The following KIF3B variants were observed in gnomAD, a reference collection of about 807,000 sequenced individuals.
The protein encoded by KIF3B is kinesin-like protein KIF3B.
KIF3B carries 38 observed loss-of-function variants against 74.3 expected under a neutral mutation model. That is an observed-to-expected ratio of 0.51 (90% CI 0.39 to 0.67). KIF3B has a LOEUF of 0.67. KIF3B is among the 30% of genes least tolerant of loss of function. The pLI is 0.00. For synonymous variants in KIF3B, 326 were observed against 342.5 expected (o/e 0.95, Z 0.53); for missense variants, 649 against 932.0 (o/e 0.70, Z 3.95).
Position 32,333,632 on chromosome 20 carries a change from C to CAAAAAAAAAAA in KIF3B, c.*2329_*2339dup, listed in dbSNP as rs71187110. On this transcript the variant is annotated 3_prime_UTR_variant, in exon 9 of 9. Coordinates refer to ENST00000375712, the MANE Select transcript of KIF3B (RefSeq NM_004798.4). ...TGGGTGACAGAGTGAGACTCCCCCT[C>CAAAAAAAAAAA]AAAAAAAAAAAAAAAAAAAAAAAAA... 1 of 33,808 alleles carries CAAAAAAAAAAA rather than the reference C, an allele frequency of 3.0e-5. No homozygotes were observed. Among genetic ancestry groups the CAAAAAAAAAAA allele is most frequent in the Non-Finnish European group, 5.9e-5 (1 of 16,810 alleles). The allele number at this position is 33,808 out of a possible 1,614,324, so 2.1% of individuals were successfully genotyped here.
chr20:32,278,693 G>A (rs1363132666), intron 1 of KIF3B, among the ~76,000 whole-genome samples: 1 of 152,040 alleles, frequency 6.6e-6, no homozygotes, highest in Non-Finnish European at 1.5e-5. Flanking sequence ...TTTCTACCTG[G>A]GCTTCGTTGA....
intron 1 of KIF3B, among the ~76,000 whole-genome samples, chr20:32,299,403 A>ATATATATATTT (rs1555895046): frequency 4.4e-4 from 4 of 9,022 alleles, no homozygotes; most frequent in South Asian, 5.2e-3. Flanking sequence ...ATATATATAT[A>ATATATATATTT]TTTTTTTTTT....
intron 5 of KIF3B, among the ~76,000 whole-genome samples, chr20:32,325,190 T>G (rs574577862): frequency 6.6e-6 from 1 of 151,888 alleles, no homozygotes; most frequent in Non-Finnish European, 1.5e-5. Flanking sequence ...ATTTTCTTTT[T>G]GTTGTTGTTG....
Position 32,327,560 on chromosome 20 carries a change from C to G in KIF3B, c.1867C>G (p.Gln623Glu). 6.2e-7 allele frequency: 1 copy of G among 1,613,006 alleles called. No individual in the cohort carries two copies. The highest frequency in any genetic ancestry group is 8.5e-7 in the Non-Finnish European group (1 of 1,179,346). ...KLHPITRLEN[Q>E]QMMKRPVSAV... ...AACACTGCAGTTCATTTCCAGGAAC[C>G]AGCAGATGATGAAGCGGCCAGTCTC... The change falls in exon 7 of 9, where the codon CAG (glutamine) becomes GAG (glutamate). Residue 623 changes from glutamine (Q) to glutamate (E), a missense_variant. Physicochemically the swap from Gln to Glu is conservative, Grantham distance 29 (BLOSUM62 2). Around this residue, in one of 4 missense-constraint regions of KIF3B, gnomAD observed 186 missense variants for 198.5 expected, o/e 0.94. Coordinates refer to ENST00000375712, the MANE Select transcript of KIF3B (RefSeq NM_004798.4).
chr20:32,314,318 T>A (rs1216911389), intron 2 of KIF3B, among the ~76,000 whole-genome samples: 1 of 152,138 alleles, frequency 6.6e-6, no homozygotes, highest in Admixed American at 6.5e-5. Flanking sequence ...GGCAGGTGGA[T>A]CCCTTGAGGT....
chr20:32,294,303 G>C (rs181395842), intron 1 of KIF3B, among the ~76,000 whole-genome samples: 3 of 152,036 alleles, frequency 2.0e-5, no homozygotes, highest in African/African-American at 7.2e-5. Flanking sequence ...TTGAATTCAG[G>C]GCAGGCATTT....
At chr20:32,316,685 A>C in intron 4 of KIF3B, 36 bp downstream of exon 4, 1 of 1,614,050 alleles carries the variant, frequency 6.2e-7, no homozygotes, top group African/African-American at 1.3e-5. Context: ...AGTTGCCTTG[A>C]GACTTGGGGA....
chr20:32,279,958 G>A (rs946084930), intron 1 of KIF3B, among the ~76,000 whole-genome samples: 4 of 152,218 alleles, frequency 2.6e-5, no homozygotes, highest in African/African-American at 9.6e-5. Flanking sequence ...GAGCAAAGAG[G>A]TGCTACTTTA....
In KIF3B at chr20:32,310,042, AATGGAACC is replaced by A; in HGVS notation, c.268_275del (p.Gly90PhefsTer20). On this transcript the variant is annotated frameshift_variant, in exon 2 of 9. Coordinates refer to ENST00000375712, the MANE Select transcript of KIF3B (RefSeq NM_004798.4). LOFTEE classifies it high-confidence loss of function. This position sits in a 1 kb window ranked among gnomAD's most constrained non-coding sequence, Gnocchi z 6.5. ...TGTTGACTCTGTCCTGCAAGGTTTCAATGGAACCATTTTTGCCTATGGACAAACTGGGA... is the reference window on the plus strand; with the variant it reads ...TGTTGACTCTGTCCTGCAAGGTTTCAATTTTTGCCTATGGACAAACTGGGA... 6.2e-7 allele frequency: 1 copy of A among 1,614,180 alleles called. No individual in the cohort carries two copies. The highest frequency in any genetic ancestry group is 1.7e-5 in the Admixed American group (1 of 60,018).
rs1555895046 is a variant in KIF3B at position 32,299,403 on chromosome 20, A to ATATATATATATTTTT, written c.-65-10309_-65-10308insATATATATATTTTTT. Among the ~76,000 whole-genome samples the ATATATATATATTTTT allele has an allele frequency of 5.5e-4, 5 of 9,026 alleles. 1 individual carries two copies. The highest frequency in any genetic ancestry group is 0.14 in the Middle Eastern group (2 of 14). The allele number at this position is 9,026 out of a possible 152,430, so 5.9% of individuals were successfully genotyped here. ...TGTATATATATATATATATATATATATTTTTTTTTTTTTTTTTTTTTTTTT... is the reference window on the plus strand; with the variant it reads ...TGTATATATATATATATATATATATATATATATATATTTTTTTTTTTTTTTTTTTTTTTTTTTTTT... On this transcript the variant is annotated intron_variant, in intron 1 of 8. Coordinates refer to ENST00000375712, the MANE Select transcript of KIF3B (RefSeq NM_004798.4).
At position 32,277,752 on chromosome 20, in the gene KIF3B, G is replaced by A. The variant is rs2122646692; in HGVS notation, c.-79G>A. ...GCCGCCGCCGCCGCCGCCCGCTTTC[G>A]GCTCGGGCCTCAGGTGAGTCGGAGG... On this transcript the variant is annotated 5_prime_UTR_variant, in exon 1 of 9. Coordinates refer to ENST00000375712, the MANE Select transcript of KIF3B (RefSeq NM_004798.4). 3.9e-6 allele frequency: 1 copy of A among 256,370 alleles called. No individual in the cohort carries two copies. Among genetic ancestry groups the A allele is most frequent in the South Asian group, 1.2e-4 (1 of 8,204 alleles). 15.9% of individuals were successfully genotyped at this position (256,370 alleles called of 1,614,324 possible).
chr20:32,314,542 A>G (rs560900075), intron 2 of KIF3B, among the ~76,000 whole-genome samples: 66 of 152,182 alleles, frequency 4.3e-4, no homozygotes, highest in African/African-American at 1.5e-3. Context: ...TCCATCTAAA[A>G]AAAAAAAAAA....
chr20:32,332,483 A>G lies in KIF3B; in HGVS notation c.*1164A>G, dbSNP rs1186778668. On this transcript the variant is annotated 3_prime_UTR_variant, in exon 9 of 9. Transcript: ENST00000375712. ...TGGCTCCCTCCAGGCAGAGCCTAAG[A>G]TGCTGGTGAAGAATAGCTGTGTGAT... The G allele has an allele frequency of 2.0e-5, 3 of 152,254 alleles. No homozygotes were observed. The highest frequency in any genetic ancestry group is 7.2e-5 in the African/African-American group (3 of 41,470). 9.4% of individuals were successfully genotyped at this position (152,254 alleles called of 1,614,324 possible).
rs1400659007 is a variant in KIF3B, at chr20:32,332,646, CAA to C, written c.*1328_*1329del. The C allele has an allele frequency of 6.6e-6, 1 of 152,238 alleles. No individual in the cohort carries two copies. Among genetic ancestry groups the C allele is most frequent in the Admixed American group, 6.5e-5 (1 of 15,280 alleles). 9.4% of individuals were successfully genotyped at this position (152,238 alleles called of 1,614,324 possible). On this transcript the variant is annotated 3_prime_UTR_variant, in exon 9 of 9. Transcript: ENST00000375712. ...TAGGTGAATATTACTCATTTTCCCT[CAA>C]GAGAAGCTCATAAGTGTGTGTGGGT...
chr20:32,282,715 G>A (rs1375908415), intron 1 of KIF3B, among the ~76,000 whole-genome samples: 1 of 152,196 alleles, frequency 6.6e-6, no homozygotes, highest in Admixed American at 6.5e-5. Flanking sequence ...TCTGGAAGAG[G>A]GAGCGGAATC....
chr20:32,277,964 C>A (rs1422688682), intron 1 of KIF3B, among the ~76,000 whole-genome samples, 199 bp downstream of exon 1: 1 of 152,202 alleles, frequency 6.6e-6, no homozygotes, highest in East Asian at 1.9e-4. Flanking sequence ...GCGGCCCGAC[C>A]CCCAGACACG....
chr20:32,301,679 T>A (rs1438223935), intron 1 of KIF3B, among the ~76,000 whole-genome samples: 1 of 152,028 alleles, frequency 6.6e-6, no homozygotes, highest in Non-Finnish European at 1.5e-5. Context: ...GCCAGGCCCA[T>A]GTTGTTTTAA....
intron 1 of KIF3B, among the ~76,000 whole-genome samples, chr20:32,287,357 C>T (rs764234026): frequency 6.6e-6 from 1 of 151,236 alleles, no homozygotes; most frequent in Non-Finnish European, 1.5e-5. Flanking sequence ...GGTGTCGCTC[C>T]GTTGCCCAGG....
At chr20:32,300,148 G>A (rs2047736586) in intron 1 of KIF3B, among the ~76,000 whole-genome samples, 1 of 151,676 alleles carries the variant, frequency 6.6e-6, no homozygotes, top group African/African-American at 2.4e-5. Flanking sequence ...TGTCACCCAG[G>A]TTGGAGTGCA....
Sources: allele counts gnomAD v4.1 joint callset (sites outside exome capture counted in the v4.1 genomes callset), GRCh38; gene constraint gnomAD v4.1.1; regional missense constraint gnomAD v4.1.1; non-coding constraint Gnocchi (gnomAD v3.1); transcripts MANE v1.5; gene names NCBI Gene and HGNC (gene_info 2026-07-23, HGNC 2026-07-21).